ATP8A2: variants seen among roughly 807,000 people sequenced by gnomAD.
ATP8A2 encodes phospholipid-transporting ATPase IB.
ATP8A2 carries 100 observed loss-of-function variants against 165.6 expected under a neutral mutation model. That is an observed-to-expected ratio of 0.60 (90% CI 0.51 to 0.71). The LOEUF is 0.71. Among genes scored for constraint, ATP8A2 ranks in the 30% least tolerant of loss-of-function variants. The pLI is 0.00. For synonymous variants in ATP8A2, 543 were observed against 548.8 expected, an observed-to-expected ratio of 0.99 and a Z score of 0.15; for missense variants, 1,227 against 1,479.5, an observed-to-expected ratio of 0.83 and a Z score of 2.80.
At chr13:25,737,549 G>GA (rs1388398277) in intron 25 of ATP8A2, among the ~76,000 whole-genome samples, 15 of 152,186 alleles carry the variant, frequency 9.9e-5, no homozygotes, top group African/African-American at 3.4e-4. Flanking sequence ...ACCCAGGCTG[G>GA]AGTGCAGTGG....
chr13:25,482,131 T>C (rs2036223695), intron 2 of ATP8A2, among the ~76,000 whole-genome samples: 1 of 152,124 alleles, frequency 6.6e-6, no homozygotes, highest in African/African-American at 2.4e-5. Flanking sequence ...TATATAAATA[T>C]AAGCTCTGAT....
chr13:25,629,710 C>T (rs4293224), intron 24 of ATP8A2, among the ~76,000 whole-genome samples: 114,498 of 152,000 alleles, frequency 0.75, 43,961 homozygotes, highest in African/African-American at 0.83. Flanking sequence ...TGTGGTCACC[C>T]GCCCCCTTCC....
At chr13:25,553,461 T>C (rs750150757) in intron 11 of ATP8A2, among the ~76,000 whole-genome samples, 2 of 152,216 alleles carry the variant, frequency 1.3e-5, no homozygotes, top group African/African-American at 4.8e-5. Context: ...CCTGTCTTCT[T>C]TTCTACATTC....
intron 2 of ATP8A2, among the ~76,000 whole-genome samples, chr13:25,520,173 C>T (rs910067649): frequency 7.9e-5 from 12 of 152,198 alleles, no homozygotes; most frequent in Non-Finnish European, 1.6e-4. Context: ...TCTCTTCCTC[C>T]GTGCTACCCC....
intron 25 of ATP8A2, among the ~76,000 whole-genome samples, chr13:25,767,960 T>A (rs1209473070): frequency 6.6e-6 from 1 of 151,844 alleles, no homozygotes; most frequent in African/African-American, 2.4e-5. Flanking sequence ...ACTGGGCAAA[T>A]CTTTGAGTGT....
At chr13:25,659,095 G>A (rs906248748) in intron 24 of ATP8A2, among the ~76,000 whole-genome samples, 3 of 152,292 alleles carry the variant, frequency 2.0e-5, no homozygotes, top group South Asian at 2.1e-4. Context: ...CTAAGAAATC[G>A]TCTCCCTCAG....
chr13:25,550,365 G>A (rs1350209137), intron 10 of ATP8A2, among the ~76,000 whole-genome samples: 1 of 152,132 alleles, frequency 6.6e-6, no homozygotes, highest in Non-Finnish European at 1.5e-5. Flanking sequence ...GGCATTACTG[G>A]TGGAGGAGGG....
intron 1 of ATP8A2, among the ~76,000 whole-genome samples, chr13:25,400,674 A>G (rs544180756): frequency 4.6e-5 from 7 of 152,354 alleles, no homozygotes; most frequent in Admixed American, 3.3e-4. Context: ...ACAGTAATAC[A>G]TAGGGTGGGT....
intron 26 of ATP8A2, among the ~76,000 whole-genome samples, chr13:25,771,711 C>T (rs1427084027): frequency 6.6e-6 from 1 of 152,064 alleles, no homozygotes; most frequent in Non-Finnish European, 1.5e-5. Context: ...TTCTGTGCAC[C>T]CTCATTTCTC....
In ATP8A2 at chr13:25,830,185, A is replaced by AT. The variant is rs112835637; in HGVS notation, c.2754+2001dup. ...CACCACAGCCAGCTAATTAAAAAAC[A>AT]TTTTTTTTGTGGAAATGGGGTCTCG... On this transcript the variant is annotated intron_variant, in intron 28 of 36. Coordinates refer to ENST00000381655, the MANE Select transcript of ATP8A2 (RefSeq NM_016529.6). 6.6e-3 allele frequency among the ~76,000 whole-genome samples: 993 copies of AT among 151,280 alleles called. 11 individuals are homozygous for AT. The highest frequency in any genetic ancestry group is 0.018 in the African/African-American group (737 of 41,218).
intron 33 of ATP8A2, among the ~76,000 whole-genome samples, chr13:25,948,721 A>G (rs1283249437): frequency 6.6e-6 from 1 of 152,152 alleles, no homozygotes; most frequent in Non-Finnish European, 1.5e-5. Flanking sequence ...CTCTCTATTC[A>G]TACACAAAAA....
At chr13:25,863,882 G>GT (rs984591182) in intron 33 of ATP8A2, among the ~76,000 whole-genome samples, 8 of 152,112 alleles carry the variant, frequency 5.3e-5, no homozygotes, top group East Asian at 1.9e-4. Flanking sequence ...ATGCTTTTCA[G>GT]TTTTTTTCCA....
In ATP8A2 at chr13:25,965,703, C is replaced by G. The variant is rs373361911; in HGVS notation, c.3273-2872C>G. 7.2e-5 allele frequency among the ~76,000 whole-genome samples: 11 copies of G among 152,278 alleles called. No homozygotes were observed. The South Asian group carries it at 2.3e-3, about 32-fold the overall frequency. ...TTAGTATTGCTTTATAAAAATAATA[C>G]AAGCTCAAGGCCACTGAACACAGAG... is the stretch of plus-strand genomic sequence containing the variant. On this transcript the variant is annotated intron_variant, in intron 34 of 36. Coordinates refer to ENST00000381655, the MANE Select transcript of ATP8A2 (RefSeq NM_016529.6).
At chr13:25,454,115 T>C (rs1473033301) in intron 1 of ATP8A2, among the ~76,000 whole-genome samples, 1 of 152,142 alleles carries the variant, frequency 6.6e-6, no homozygotes, top group East Asian at 1.9e-4. Context: ...GCATGGTCTC[T>C]TGGCACTGTG....
At chr13:25,832,294 A>G (rs761731701) in intron 28 of ATP8A2, among the ~76,000 whole-genome samples, 3 of 152,186 alleles carry the variant, frequency 2.0e-5, no homozygotes, top group Non-Finnish European at 2.9e-5. Flanking sequence ...CAATGCTGCT[A>G]GGATCAAATG....
chr13:25,612,264 G>A (rs2040707629), intron 24 of ATP8A2, among the ~76,000 whole-genome samples: 1 of 152,014 alleles, frequency 6.6e-6, no homozygotes, highest in African/African-American at 2.4e-5. Context: ...TTTGATGTAG[G>A]CATTTAATGC....
intron 20 of ATP8A2, 84 bp from the exon 21 acceptor site, chr13:25,578,731 A>G: frequency 1.2e-6 from 1 of 823,706 alleles, no homozygotes; most frequent in South Asian, 1.4e-5. Flanking sequence ...CATGTTAGAT[A>G]AACAGAAACA....
chr13:25,649,095 C>G (rs533591833), intron 24 of ATP8A2: 10 of 475,406 alleles, frequency 2.1e-5, no homozygotes, highest in Non-Finnish European at 2.5e-5. Context: ...TGTGTCCTTG[C>G]GTTGGTGTTT....
intron 2 of ATP8A2, among the ~76,000 whole-genome samples, chr13:25,506,940 CATAT>C (rs59774160): frequency 0.066 from 8,461 of 128,702 alleles, 392 homozygotes; most frequent in South Asian, 0.15. Flanking sequence ...CAGTACAGTA[CATAT>C]ATATATATAT....
Sources: gnomAD v4.1 joint callset for allele counts (sites outside exome capture counted in the v4.1 genomes callset) on GRCh38, gnomAD v4.1.1 for gene constraint, MANE v1.5 for transcripts, NCBI Gene and HGNC (gene_info 2026-07-23, HGNC 2026-07-21) for gene names.